Variants in KCNN1 observed in about 807,000 individuals in gnomAD.
KCNN1 encodes the protein potassium calcium-activated channel subfamily N member 1.
A neutral mutation model predicts 44.7 loss-of-function variants in KCNN1; 20 were observed. That is an observed-to-expected ratio of 0.45 (90% CI 0.32 to 0.65). KCNN1 has a LOEUF of 0.65. KCNN1 is among the 30% of genes least tolerant of loss of function. The pLI, the probability that KCNN1 is intolerant of heterozygous loss-of-function variation, is 0.05. For synonymous variants in KCNN1, 324 were observed against 341.7 expected, an observed-to-expected ratio of 0.95 and a Z score of 0.57; for missense variants, 632 against 785.3, an observed-to-expected ratio of 0.80 and a Z score of 2.33.
chr19:17,990,288 C>G (rs997535669), intron 7 of KCNN1, among the ~76,000 whole-genome samples: 1 of 148,816 alleles, frequency 6.7e-6, no homozygotes, highest in Non-Finnish European at 1.5e-5. Flanking sequence ...AGTTCAACAC[C>G]ATCCGTGGCA....
chr19:17,995,508 C>A (rs1444651817), intron 9 of KCNN1, among the ~76,000 whole-genome samples: 1 of 151,794 alleles, frequency 6.6e-6, no homozygotes, highest in East Asian at 1.9e-4. Flanking sequence ...TATTCTAGAC[C>A]CCTGAAGATA....
At chr19:17,958,688 G>GTATTTATTTATT (rs151293226) in intron 2 of KCNN1, among the ~76,000 whole-genome samples, 4,098 of 148,550 alleles carry the variant, frequency 0.028, 122 homozygotes, top group African/African-American at 0.074. Context: ...ATTTTCAATT[G>GTATTTATTTATT]TATTTATTTA....
Position 17,993,260 on chromosome 19 carries a change from G to A in KCNN1, c.1307+198G>A, listed in dbSNP as rs1224606299. 1.3e-5 allele frequency among the ~76,000 whole-genome samples: 2 copies of A among 152,182 alleles called. No individual in the cohort carries two copies. The highest frequency in any genetic ancestry group is 6.5e-5 in the Admixed American group (1 of 15,272). On this transcript the variant is annotated intron_variant, in intron 8 of 9. Coordinates refer to ENST00000684775, the MANE Select transcript of KCNN1 (RefSeq NM_001386974.1). The surrounding 1 kb of genome is among the most constrained non-coding windows in gnomAD (Gnocchi z 4.5). ...GCAGTCCTGAGTTGGGCCGGAGACA[G>A]GACCAGCCAATGGGTGGTGTGGGCG...
chr19:17,961,605 G>A (rs1182768207), intron 2 of KCNN1, among the ~76,000 whole-genome samples: 20 of 135,590 alleles, frequency 1.5e-4, no homozygotes, highest in South Asian at 4.7e-4. Context: ...TTTTTGAGAC[G>A]GAGTCTTGCT....
At chr19:17,968,519 C>T (rs1007278902) in intron 1 of KCNN1, among the ~76,000 whole-genome samples, 1 of 152,086 alleles carries the variant, frequency 6.6e-6, no homozygotes, top group African/African-American at 2.4e-5. Flanking sequence ...GGCCCCTTCT[C>T]AGTGGCTGCC....
chr19:17,974,206 C>G lies in KCNN1; in HGVS notation c.318C>G (p.Leu106=). The part of the protein sequence containing the change: ...RRALFEKRKR[L]SDYALIFGMF... ...CGCTCTTCGAGAAGCGGAAGCGCCTCAGCGACTATGCCCTCATTTTCGGCA... is the reference window on the plus strand; with the variant it reads ...CGCTCTTCGAGAAGCGGAAGCGCCTGAGCGACTATGCCCTCATTTTCGGCA... Residue 106 remains leucine (L), a synonymous_variant, in exon 2 of 10, where the codon CTC becomes CTG. Transcript: ENST00000684775. The surrounding 1 kb of genome is among the most constrained non-coding windows in gnomAD (Gnocchi z 7.3). The G allele has an allele frequency of 6.2e-7, 1 of 1,613,260 alleles. No individual in the cohort carries two copies. The highest frequency in any genetic ancestry group is 8.5e-7 in the Non-Finnish European group (1 of 1,179,660).
chr19:17,994,785 C>T (rs2032927063), intron 9 of KCNN1, among the ~76,000 whole-genome samples: 2 of 152,298 alleles, frequency 1.3e-5, no homozygotes, highest in South Asian at 4.1e-4. Context: ...CTTAAGTGAT[C>T]CACCCCCCTC....
At chr19:17,976,494 C>T (rs1395483126) in intron 3 of KCNN1, among the ~76,000 whole-genome samples, 1 of 150,506 alleles carries the variant, frequency 6.6e-6, no homozygotes, top group Non-Finnish European at 1.5e-5. Flanking sequence ...CTCCAGCTCA[C>T]CGCAACCTAC....
At chr19:17,959,923 A>G (rs1266535425) in intron 2 of KCNN1, among the ~76,000 whole-genome samples, 1 of 151,772 alleles carries the variant, frequency 6.6e-6, no homozygotes, top group African/African-American at 2.4e-5. Context: ...TCTCTACTAA[A>G]AATACAAAAA....
chr19:17,958,992 G>A lies in KCNN1; in HGVS notation c.-82+4311G>A, dbSNP rs544394376. ...TGGGATTACAGGCGTGAGCCACCAC[G>A]TCCAGCCCTATTTATTTATTTATTT... On this transcript the variant is annotated intron_variant, in intron 2 of 10. Coordinates refer to the KCNN1 transcript ENST00000222249. 3.8e-3 allele frequency among the ~76,000 whole-genome samples: 536 copies of A among 142,308 alleles called. 2 individuals are homozygous for A. Among genetic ancestry groups the A allele is most frequent in the African/African-American group, 0.013 (501 of 37,454 alleles). The allele number at this position is 142,308 out of a possible 152,430, so 93.4% of individuals were successfully genotyped here.
intron 3 of KCNN1, among the ~76,000 whole-genome samples, chr19:17,979,770 C>T (rs1215788374): frequency 6.6e-6 from 1 of 151,876 alleles, no homozygotes; most frequent in Non-Finnish European, 1.5e-5. Flanking sequence ...CTAGAACGCG[C>T]GGCCGCCACA....
In KCNN1 at chr19:17,990,671, A is replaced by G. The variant is rs372111788; in HGVS notation, c.1298+828A>G. Among the ~76,000 whole-genome samples, 42 of 150,314 alleles carry G rather than the reference A, an allele frequency of 2.8e-4. No homozygotes were observed. The East Asian group carries it at 6.1e-3, about 22-fold the overall frequency. ...AAAAATTAGCCGGGCGTGGTGGCGG[A>G]CGCCTGTAGTCCCAGCTACTCGGGA... On this transcript the variant is annotated intron_variant, in intron 7 of 9. Transcript: ENST00000684775.
At chr19:17,980,043 ATTTTCT>A (rs1054138931) in intron 3 of KCNN1, among the ~76,000 whole-genome samples, 15 of 146,726 alleles carry the variant, frequency 1.0e-4, no homozygotes, top group African/African-American at 3.0e-4. Flanking sequence ...CTCTGCATTA[ATTTTCT>A]TTTTCTTTTT....
chr19:17,969,585 C>A (rs566413605), intron 1 of KCNN1, among the ~76,000 whole-genome samples: 2 of 152,178 alleles, frequency 1.3e-5, no homozygotes, highest in African/African-American at 4.8e-5. Context: ...CCTTAGGACG[C>A]GGCTGCCAGG....
intron 6 of KCNN1, 40 bp downstream of exon 6, chr19:17,988,565 T>C (rs766592705): frequency 6.8e-6 from 10 of 1,463,556 alleles, no homozygotes; most frequent in African/African-American, 1.4e-5. Flanking sequence ...CTCCTGGCCT[T>C]GTCAGCGAGC....
upstream of KCNN1, among the ~76,000 whole-genome samples, chr19:17,963,000 C>CTTTT (rs71164332): frequency 2.1e-4 from 17 of 81,642 alleles, no homozygotes; most frequent in East Asian, 4.3e-4. Flanking sequence ...CACGCCCAGG[C>CTTTT]TTTTTTTTTT....
In KCNN1 at chr19:17,993,242, T is replaced by C. The variant is rs1018958212; in HGVS notation, c.1307+180T>C. Among the ~76,000 whole-genome samples, 2 of 152,058 alleles carry C rather than the reference T, an allele frequency of 1.3e-5. No homozygotes were observed. The highest frequency in any genetic ancestry group is 2.9e-5 in the Non-Finnish European group (2 of 68,008). On this transcript the variant is annotated intron_variant, in intron 8 of 9. Transcript: ENST00000684775. This position sits in a 1 kb window ranked among gnomAD's most constrained non-coding sequence, Gnocchi z 4.5. ...GGGATCCAACTTCCTGGGGCAGTCCTGAGTTGGGCCGGAGACAGGACCAGC... is the reference window on the plus strand; with the variant it reads ...GGGATCCAACTTCCTGGGGCAGTCCCGAGTTGGGCCGGAGACAGGACCAGC...
At chr19:17,971,469 AT>A (rs557385879) in intron 1 of KCNN1, among the ~76,000 whole-genome samples, 2 of 148,204 alleles carry the variant, frequency 1.3e-5, no homozygotes, top group Admixed American at 6.7e-5. Context: ...TATTATTATT[AT>A]TTTTTTTTTG....
At chr19:17,990,071 T>G in intron 7 of KCNN1, 1 of 689,462 alleles carries the variant, frequency 1.5e-6, no homozygotes, top group Non-Finnish European at 2.6e-6. Flanking sequence ...GTATATTTTA[T>G]TCTCTGGAAT....
Sources: gnomAD v4.1 joint callset for allele counts (sites outside exome capture counted in the v4.1 genomes callset) on GRCh38, gnomAD v4.1.1 for gene constraint, Gnocchi (gnomAD v3.1) non-coding constraint, MANE v1.5 for transcripts, NCBI Gene and HGNC (gene_info 2026-07-23, HGNC 2026-07-21) for gene names.